The following IFT88 variants were observed in gnomAD, a reference collection of about 807,000 sequenced individuals.
IFT88 encodes the protein intraflagellar transport 88, also known as intraflagellar transport protein 88 homolog.
Under a neutral mutation model 119.5 loss-of-function variants are expected in IFT88, and 74 were observed. The observed-to-expected ratio is 0.62, with a 90% confidence interval of 0.51 to 0.75. IFT88 has a LOEUF of 0.75. IFT88 is among the 30% of genes least tolerant of loss of function. The pLI is 0.00. For synonymous variants in IFT88, 279 were observed against 316.7 expected, an observed-to-expected ratio of 0.88 and a Z score of 1.26; for missense variants, 961 against 977.7, an observed-to-expected ratio of 0.98 and a Z score of 0.23.
intron 9 of IFT88, 135 bp downstream of exon 9, chr13:20,597,254 G>C (rs1046167423): frequency 1.8e-5 from 9 of 511,506 alleles, no homozygotes; most frequent in South Asian, 3.4e-5. Flanking sequence ...ATAATCTTTA[G>C]TTCATAAAAC....
At chr13:20,571,774 G>T (rs1435215414) in intron 1 of IFT88, among the ~76,000 whole-genome samples, 3 of 152,178 alleles carry the variant, frequency 2.0e-5, no homozygotes, top group Non-Finnish European at 4.4e-5. Context: ...TCTAATTGGT[G>T]GGTAGCTGTG....
chr13:20,644,798 G>A (rs2050486783), intron 19 of IFT88, 45 bp from the exon 20 acceptor site: 1 of 804,070 alleles, frequency 1.2e-6, no homozygotes, highest in Non-Finnish European at 2.1e-6. Context: ...TAAATTATAT[G>A]TTGCCATTGA....
intron 1 of IFT88, chr13:20,567,761 G>A (rs2035188752): frequency 7.4e-7 from 1 of 1,348,370 alleles, no homozygotes; most frequent in Admixed American, 3.0e-5. Context: ...GCCTCACAAA[G>A]ATGGAAACAT....
At chr13:20,643,260 A>G (rs892440144) in intron 18 of IFT88, among the ~76,000 whole-genome samples, 195 bp from the exon 19 acceptor site, 1 of 152,192 alleles carries the variant, frequency 6.6e-6, no homozygotes, top group Admixed American at 6.5e-5. Flanking sequence ...AAAGCAGGCT[A>G]TATACATAGG....
chr13:20,653,777 G>A, intron 20 of IFT88, 99 bp from the exon 21 acceptor site: 1 of 568,206 alleles, frequency 1.8e-6, no homozygotes, highest in South Asian at 3.5e-5. Context: ...CTAACAAAAG[G>A]TCAAAAAGTA....
At position 20,690,827 on chromosome 13, in the gene IFT88, C is replaced by G; in HGVS notation, c.2353+12C>G. 1 of 1,562,830 alleles carries G rather than the reference C, an allele frequency of 6.4e-7. No individual in the cohort carries two copies. The highest frequency in any genetic ancestry group is 8.8e-7 in the Non-Finnish European group (1 of 1,133,384). On this transcript the variant is annotated intron_variant, in intron 25 of 25. Transcript: ENST00000351808. ...TAACAAAGAAATAGGCAAGTACTCT[C>G]CACCCAGTTCCTCCAGGCATAGCAG...
At chr13:20,601,621 A>G (rs1398844228) in intron 11 of IFT88, 84 bp from the exon 12 acceptor site, 2 of 886,600 alleles carry the variant, frequency 2.3e-6, no homozygotes, top group Non-Finnish European at 3.4e-6. Flanking sequence ...TGGGAGACGA[A>G]AAAAGAAAAC....
intron 20 of IFT88, among the ~76,000 whole-genome samples, chr13:20,651,119 CTTT>C (rs1024178651): frequency 6.6e-6 from 1 of 151,942 alleles, no homozygotes; most frequent in Non-Finnish European, 1.5e-5. Flanking sequence ...AGTTCTTCAA[CTTT>C]TTTCTTTTTC....
intron 2 of IFT88, among the ~76,000 whole-genome samples, chr13:20,577,372 A>G (rs530055320): frequency 5.3e-5 from 8 of 152,188 alleles, no homozygotes; most frequent in East Asian, 3.9e-4. Context: ...GCCTGATTGC[A>G]CTAGCTAGGA....
intron 14 of IFT88, among the ~76,000 whole-genome samples, chr13:20,619,212 C>G (rs2046126335): frequency 6.6e-6 from 1 of 152,140 alleles, no homozygotes; most frequent in Non-Finnish European, 1.5e-5. Flanking sequence ...AATGGTAACT[C>G]AGCTCAACGA....
intron 16 of IFT88, chr13:20,631,341 G>T (rs982631957): frequency 4.5e-6 from 2 of 441,784 alleles, no homozygotes; most frequent in East Asian, 3.8e-5. Context: ...GATAAGCATC[G>T]CATCATAGAT....
chr13:20,646,188 CCCA>C (rs1440417573), intron 20 of IFT88, among the ~76,000 whole-genome samples: 1 of 152,132 alleles, frequency 6.6e-6, no homozygotes, highest in Non-Finnish European at 1.5e-5. Context: ...CTATTCTAGT[CCCA>C]CAAGTTTTGA....
chr13:20,625,520 C>T (rs1251059502), intron 14 of IFT88, among the ~76,000 whole-genome samples: 3 of 152,068 alleles, frequency 2.0e-5, no homozygotes, highest in African/African-American at 7.2e-5. Flanking sequence ...CCAATTTTTA[C>T]TTAAAATGAT....
At chr13:20,666,609 CA>C (rs1394423277) in intron 23 of IFT88, among the ~76,000 whole-genome samples, 4 of 152,210 alleles carry the variant, frequency 2.6e-5, no homozygotes, top group African/African-American at 9.6e-5. Flanking sequence ...AGCATTTATT[CA>C]CTTAATTTGT....
intron 1 of IFT88, among the ~76,000 whole-genome samples, chr13:20,570,746 AT>A (rs1487512037): frequency 9.2e-5 from 14 of 152,140 alleles, no homozygotes; most frequent in African/African-American, 3.1e-4. Context: ...ATATTTCTTT[AT>A]GGGATGATGA....
chr13:20,675,729 T>G (rs1480084880), intron 24 of IFT88, among the ~76,000 whole-genome samples: 1 of 152,266 alleles, frequency 6.6e-6, no homozygotes, highest in Non-Finnish European at 1.5e-5. Flanking sequence ...TAGTGTTCTA[T>G]AAAACTTAAT....
chr13:20,574,348 A>T (rs768836646), intron 1 of IFT88, 32 bp from the exon 2 acceptor site: 1 of 1,280,494 alleles, frequency 7.8e-7, no homozygotes. Context: ...TTCTTATACC[A>T]AGAACATATT....
chr13:20,616,653 T>C (rs2045658763), intron 14 of IFT88, among the ~76,000 whole-genome samples: 2 of 152,142 alleles, frequency 1.3e-5, no homozygotes, highest in African/African-American at 4.8e-5. Flanking sequence ...TCAGAACATA[T>C]CCCCATCATC....
chr13:20,625,977 C>A, intron 15 of IFT88, 128 bp downstream of exon 15: 3 of 239,816 alleles, frequency 1.3e-5, no homozygotes, highest in Non-Finnish European at 2.2e-5. Context: ...ATTTTTATTT[C>A]TATTTTATGT....
Sources: gnomAD v4.1 joint callset for allele counts (sites outside exome capture counted in the v4.1 genomes callset) on GRCh38, gnomAD v4.1.1 for gene constraint, MANE v1.5 for transcripts, NCBI Gene and HGNC (gene_info 2026-07-23, HGNC 2026-07-21) for gene names.